MDGA1: variants seen among roughly 807,000 people sequenced by gnomAD.
MDGA1 encodes the protein MAM domain containing glycosylphosphatidylinositol anchor 1.
MDGA1 carries 54 observed loss-of-function variants against 101.5 expected under a neutral mutation model. The ratio of observed to expected loss-of-function variants is 0.53; its 90% CI spans 0.43 to 0.67. The LOEUF (loss-of-function observed/expected upper bound fraction) is 0.67, where lower values mean the gene tolerates loss of function less well. Among genes scored for constraint, MDGA1 ranks in the 30% least tolerant of loss-of-function variants. The pLI, the probability that MDGA1 is intolerant of heterozygous loss-of-function variation, is 0.00. For missense variants in MDGA1, 1,083 were observed against 1,323.8 expected, an observed-to-expected ratio of 0.82 and a Z score of 2.82; for synonymous variants, 533 against 558.3, an observed-to-expected ratio of 0.95 and a Z score of 0.64.
At chr6:37,674,425 G>T (rs1394135323) in intron 1 of MDGA1, among the ~76,000 whole-genome samples, 1 of 152,246 alleles carries the variant, frequency 6.6e-6, no homozygotes, top group Admixed American at 6.5e-5. Context: ...GCCTGCCACT[G>T]TGGCGCCTGG....
At chr6:37,656,909 A>G (rs936599644) in intron 3 of MDGA1, among the ~76,000 whole-genome samples, 3 of 152,300 alleles carry the variant, frequency 2.0e-5, no homozygotes, top group Non-Finnish European at 4.4e-5. Context: ...CTGTTTGCCC[A>G]AGAGCATTAC....
rs1031607996 is a variant in MDGA1 at position 37,636,725 on chromosome 6, T to C, written c.*643A>G. Reference sequence around the variant, plus strand: ...CAGAAATAGGTCAAGGAATCTGGGGTGACCTATGGTCTCCACCATCCAGTG... The same window carrying C: ...CAGAAATAGGTCAAGGAATCTGGGGCGACCTATGGTCTCCACCATCCAGTG... On this transcript the variant is annotated 3_prime_UTR_variant, in exon 17 of 17. Coordinates refer to ENST00000434837, the MANE Select transcript of MDGA1 (RefSeq NM_153487.4). The C allele has an allele frequency of 3.3e-5, 5 of 152,688 alleles. No homozygotes were observed. Among genetic ancestry groups the C allele is most frequent in the Non-Finnish European group, 4.4e-5 (3 of 68,082 alleles). 9.5% of individuals were successfully genotyped at this position (152,688 alleles called of 1,614,324 possible). A position where few individuals can be genotyped will look rare whatever the true frequency, so the allele number is the denominator to read the frequency against.
At chr6:37,664,192 G>A (rs1397552173) in intron 1 of MDGA1, 86 bp from the exon 2 acceptor site, 1 of 1,555,150 alleles carries the variant, frequency 6.4e-7, no homozygotes, top group African/African-American at 1.3e-5. Context: ...GTGTATCTGG[G>A]AGGGGTCAGC....
At chr6:37,681,602 G>T (rs1762098529) in intron 1 of MDGA1, among the ~76,000 whole-genome samples, 2 of 152,212 alleles carry the variant, frequency 1.3e-5, no homozygotes, top group Admixed American at 6.5e-5. Context: ...CACACCTACA[G>T]CACACACATG....
Position 37,643,957 on chromosome 6 carries a change from G to A in MDGA1, c.2402-14C>T, listed in dbSNP as rs770720517. On this transcript the variant is annotated splice_polypyrimidine_tract_variant and intron_variant, in intron 13 of 16. Transcript: ENST00000434837. ...ACATGTAGTAGCCTGCGGGGAATGG[G>A]GAGATGCGCCAACAGCCCCCAAGAC... 1.2e-6 allele frequency: 2 copies of A among 1,612,978 alleles called. No individual in the cohort carries two copies. The highest frequency in any genetic ancestry group is 2.2e-5 in the South Asian group (2 of 91,004).
chr6:37,635,486 G>C lies in MDGA1; in HGVS notation c.*1882C>G, dbSNP rs1763907712. 2.5e-6 allele frequency: 1 copy of C among 398,562 alleles called. No homozygotes were observed. Among genetic ancestry groups the C allele is most frequent in the African/African-American group, 2.1e-5 (1 of 48,638 alleles). The allele number at this position is 398,562 out of a possible 1,614,324, so 24.7% of individuals were successfully genotyped here. A position where few individuals can be genotyped will look rare whatever the true frequency, so the allele number is the denominator to read the frequency against. On this transcript the variant is annotated 3_prime_UTR_variant, in exon 17 of 17. Coordinates refer to ENST00000434837, the MANE Select transcript of MDGA1 (RefSeq NM_153487.4). The stretch of plus-strand genomic sequence containing the variant: ...CATTTCAGACAGAGGCCTTGACTGG[G>C]TCAGGAAGGCAGCCGTGCTGATTGG...
chr6:37,638,509 G>A lies in MDGA1; in HGVS notation c.2667+28C>T, dbSNP rs763810123. 1 of 1,612,466 alleles carries A rather than the reference G, an allele frequency of 6.2e-7. No individual in the cohort carries two copies. The highest frequency in any genetic ancestry group is 2.2e-5 in the East Asian group (1 of 44,736). Reference sequence around the variant, plus strand: ...GGCCACAGCAACCACCGAAGCCGGGGAGGGTCCTCTGGGCCCTACGGACTC... The same window carrying A: ...GGCCACAGCAACCACCGAAGCCGGGAAGGGTCCTCTGGGCCCTACGGACTC... On this transcript the variant is annotated intron_variant, in intron 15 of 16. Transcript: ENST00000434837. The surrounding 1 kb of genome is among the most constrained non-coding windows in gnomAD (Gnocchi z 4.8).
Position 37,696,192 on chromosome 6 carries a change from G to T in MDGA1, c.67+553C>A. Reference sequence around the variant, plus strand: ...GTTCAGGGAAGGTCCGAAAAGGGATGCCGGGGTCGAAGGCGCCAGGGCCAG... The same window carrying T: ...GTTCAGGGAAGGTCCGAAAAGGGATTCCGGGGTCGAAGGCGCCAGGGCCAG... On this transcript the variant is annotated intron_variant, in intron 1 of 16. Coordinates refer to ENST00000434837, the MANE Select transcript of MDGA1 (RefSeq NM_153487.4). This position sits in a 1 kb window ranked among gnomAD's most constrained non-coding sequence, Gnocchi z 5.6. 6.6e-6 allele frequency among the ~76,000 whole-genome samples: 1 copy of T among 152,242 alleles called. No individual in the cohort carries two copies. The highest frequency in any genetic ancestry group is 1.9e-4 in the East Asian group (1 of 5,192).
rs940719689 is a variant in MDGA1 at position 37,632,528 on chromosome 6, G to C, written c.*4840C>G. The C allele has an allele frequency of 2.6e-5, 4 of 152,880 alleles. No homozygotes were observed. Among genetic ancestry groups the C allele is most frequent in the African/African-American group, 7.2e-5 (3 of 41,576 alleles). The allele number at this position is 152,880 out of a possible 1,614,324, so 9.5% of individuals were successfully genotyped here. On this transcript the variant is annotated 3_prime_UTR_variant, in exon 17 of 17. Transcript: ENST00000434837. ...GGCTGACGCTGAGCGCTAGAACACT[G>C]CAGCTTTATTGATAGAACAACCGCG...
In MDGA1 at chr6:37,652,291, A is replaced by T; in HGVS notation, c.1032T>A (p.Ser344Arg). ...GGTCCTGGCCCAGCTGGATGTTCTC[A>T]CTCTCTTTGATCACGTCAGGAGTGA... ...FQITPDVIKE[S>R]ENIQLGQDLK... Residue 344 changes from serine to arginine, a missense_variant, in exon 7 of 17, where the codon AGT becomes AGA. This residue lies in a region of MDGA1 where 116 missense variants were observed against 196.6 expected (regional missense o/e 0.59). Coordinates refer to ENST00000434837, the MANE Select transcript of MDGA1 (RefSeq NM_153487.4). The surrounding 1 kb of genome is among the most constrained non-coding windows in gnomAD (Gnocchi z 4.3). 6.2e-7 allele frequency: 1 copy of T among 1,613,328 alleles called. No homozygotes were observed. The highest frequency in any genetic ancestry group is 8.5e-7 in the Non-Finnish European group (1 of 1,179,760).
rs568782851 is a variant in MDGA1, at chr6:37,648,940, T to C, written c.1894+42A>G. 4.8e-5 allele frequency: 73 copies of C among 1,536,778 alleles called. No homozygotes were observed. In the South Asian group the frequency reaches 8.8e-4, roughly 19 times the overall value. ...TGGGATTGGGGCAGAGCCTGGCCCC[T>C]GGTGGGCGTGGTAGGTGGGGCGGGA... On this transcript the variant is annotated intron_variant, in intron 9 of 16. Coordinates refer to ENST00000434837, the MANE Select transcript of MDGA1 (RefSeq NM_153487.4).
intron 1 of MDGA1, among the ~76,000 whole-genome samples, chr6:37,672,353 T>C (rs1187296565): frequency 6.6e-6 from 1 of 151,714 alleles, no homozygotes; most frequent in African/African-American, 2.4e-5. Context: ...AGAGGGAGGA[T>C]TGCTTGAGCT....
rs1400330502 is a variant in MDGA1, at chr6:37,637,067, G to A, written c.*301C>T. 8.2e-5 allele frequency: 24 copies of A among 291,060 alleles called. No homozygotes were observed. The highest frequency in any genetic ancestry group is 1.3e-4 in the Non-Finnish European group (20 of 155,468). 18.0% of individuals were successfully genotyped at this position (291,060 alleles called of 1,614,324 possible). A position where few individuals can be genotyped will look rare whatever the true frequency, so the allele number is the denominator to read the frequency against. On this transcript the variant is annotated 3_prime_UTR_variant, in exon 17 of 17. Transcript: ENST00000434837. ...GGGTTGGCGGATGCCATTCAGGCAA[G>A]TCCCCTGTCTTTGCAGTAAAGAAGG...
At chr6:37,688,310 T>C (rs551303525) in intron 1 of MDGA1, among the ~76,000 whole-genome samples, 1 of 152,176 alleles carries the variant, frequency 6.6e-6, no homozygotes, top group Non-Finnish European at 1.5e-5. Flanking sequence ...GGGCATCTGT[T>C]GTTGAAAAAG....
chr6:37,636,949 G>A lies in MDGA1; in HGVS notation c.*419C>T, dbSNP rs1471867238. On this transcript the variant is annotated 3_prime_UTR_variant, in exon 17 of 17. Coordinates refer to ENST00000434837, the MANE Select transcript of MDGA1 (RefSeq NM_153487.4). ...GGCTCCCTTCTGGCAAAGCCACCAG[G>A]CTGGAGTTCGGCCTTGACTTAGGGG... The A allele has an allele frequency of 6.4e-6, 1 of 155,206 alleles. No homozygotes were observed. The highest frequency in any genetic ancestry group is 2.4e-5 in the African/African-American group (1 of 41,544). 9.6% of individuals were successfully genotyped at this position (155,206 alleles called of 1,614,324 possible).
Position 37,664,042 on chromosome 6 carries a change from G to C in MDGA1, c.132C>G (p.Ser44Arg), listed in dbSNP as rs747400366. ...CCTCCCGGATGGTGTAGACACGCTC[G>C]CTGATATTGTCCTCTTTCACCACAC... ...QACVVKEDNI[S>R]ERVYTIREGD... Residue 44 changes from serine (S) to arginine (R), a missense_variant, in exon 2 of 17, where the codon AGC becomes AGG. Physicochemically the swap from Ser to Arg is moderately radical, Grantham distance 110. This residue lies in a region of MDGA1 where 310 missense variants were observed against 355.9 expected (regional missense o/e 0.87). Transcript: ENST00000434837. 6.2e-7 allele frequency: 1 copy of C among 1,613,916 alleles called. No individual in the cohort carries two copies. The highest frequency in any genetic ancestry group is 2.2e-5 in the East Asian group (1 of 44,860).
intron 8 of MDGA1, 126 bp downstream of exon 8, chr6:37,649,983 G>T: frequency 9.3e-7 from 1 of 1,080,812 alleles, no homozygotes; most frequent in East Asian, 2.4e-5. Context: ...AGGAGCATTA[G>T]GGGTATCAGG....
At chr6:37,654,623 A>G in intron 5 of MDGA1, 80 bp from the exon 6 acceptor site, 2 of 1,599,786 alleles carry the variant, frequency 1.3e-6, no homozygotes, top group Non-Finnish European at 1.7e-6. Context: ...TAGGAAAACC[A>G]TAGAGGCTGG....
At chr6:37,693,638 C>G (rs1581637550) in intron 1 of MDGA1, among the ~76,000 whole-genome samples, 1 of 152,368 alleles carries the variant, frequency 6.6e-6, no homozygotes. Flanking sequence ...TTCCCTGACG[C>G]TATCCGCATG....
Sources: gnomAD v4.1 joint callset for allele counts (sites outside exome capture counted in the v4.1 genomes callset) on GRCh38, gnomAD v4.1.1 for gene constraint, gnomAD v4.1.1 regional missense constraint, Gnocchi (gnomAD v3.1) non-coding constraint, MANE v1.5 for transcripts, NCBI Gene and HGNC (gene_info 2026-07-23, HGNC 2026-07-21) for gene names.